Variants in MEI4 observed in about 807,000 individuals in gnomAD.
MEI4 encodes meiosis-specific protein MEI4.
Under a neutral mutation model 31.4 loss-of-function variants are expected in MEI4, and 27 were observed. That is an observed-to-expected ratio of 0.86 (90% CI 0.63 to 1.19). The LOEUF (loss-of-function observed/expected upper bound fraction) is 1.19. Among genes scored for constraint, MEI4 ranks in the 50% most tolerant of loss-of-function variants. The pLI is 0.00. For missense variants in MEI4, 329 were observed against 398.9 expected, an observed-to-expected ratio of 0.82 and a Z score of 1.49; for synonymous variants, 122 against 145.4, an observed-to-expected ratio of 0.84 and a Z score of 1.16.
At chr6:77,771,436 G>T (rs1221746125) in intron 3 of MEI4, among the ~76,000 whole-genome samples, 2 of 151,842 alleles carry the variant, frequency 1.3e-5, no homozygotes, top group East Asian at 3.9e-4. Context: ...TTCATTATTG[G>T]GTATATACCC....
At chr6:77,694,822 C>A (rs1222970114) in intron 2 of MEI4, among the ~76,000 whole-genome samples, 1 of 151,282 alleles carries the variant, frequency 6.6e-6, no homozygotes, top group Non-Finnish European at 1.5e-5. Context: ...GTTCTAGATC[C>A]CTGAGGAATC....
At chr6:77,783,178 C>G (rs570863653) in intron 3 of MEI4, among the ~76,000 whole-genome samples, 2 of 152,090 alleles carry the variant, frequency 1.3e-5, no homozygotes, top group Non-Finnish European at 2.9e-5. Flanking sequence ...CTGGCAATCA[C>G]AAATCCAATG....
chr6:77,871,556 G>T (rs1485864004), intron 4 of MEI4, among the ~76,000 whole-genome samples: 1 of 152,044 alleles, frequency 6.6e-6, no homozygotes, highest in African/African-American at 2.4e-5. Context: ...CAGGGAGAGA[G>T]GGAGGAGGGC....
chr6:77,777,366 G>A (rs1050578620), intron 3 of MEI4, among the ~76,000 whole-genome samples: 1 of 152,114 alleles, frequency 6.6e-6, no homozygotes, highest in African/African-American at 2.4e-5. Flanking sequence ...TGGAAGCCAG[G>A]TGCTAGAATA....
intron 3 of MEI4, among the ~76,000 whole-genome samples, chr6:77,826,197 G>A (rs1481705227): frequency 6.6e-6 from 1 of 152,168 alleles, no homozygotes; most frequent in Non-Finnish European, 1.5e-5. Context: ...TTTCAAATGA[G>A]TAGTTCTGGA....
At chr6:77,788,846 T>C (rs551231024) in intron 3 of MEI4, among the ~76,000 whole-genome samples, 1 of 152,180 alleles carries the variant, frequency 6.6e-6, no homozygotes, top group Non-Finnish European at 1.5e-5. Context: ...ATTTACAGAT[T>C]CAATGCCATC....
At chr6:77,897,794 A>G (rs1766114603) in intron 4 of MEI4, among the ~76,000 whole-genome samples, 1 of 151,916 alleles carries the variant, frequency 6.6e-6, no homozygotes, top group Admixed American at 6.6e-5. Context: ...GGATCAAAAG[A>G]TGATTCACCA....
intron 2 of MEI4, among the ~76,000 whole-genome samples, chr6:77,743,800 T>C (rs1337053592): frequency 6.6e-6 from 1 of 152,182 alleles, no homozygotes; most frequent in Non-Finnish European, 1.5e-5. Flanking sequence ...ACAGCAGCAT[T>C]CGTGGTTCAC....
At chr6:77,859,599 G>A (rs1424555715) in intron 4 of MEI4, among the ~76,000 whole-genome samples, 1 of 152,136 alleles carries the variant, frequency 6.6e-6, no homozygotes, top group East Asian at 1.9e-4. Flanking sequence ...GTTTTCATTT[G>A]CATTTCTCTG....
At chr6:77,745,747 G>T (rs1342764299) in intron 2 of MEI4, among the ~76,000 whole-genome samples, 3 of 151,992 alleles carry the variant, frequency 2.0e-5, no homozygotes, top group Non-Finnish European at 4.4e-5. Context: ...AAATGTAAAA[G>T]AACAGAAATT....
chr6:77,677,870 TTTTC>T, intron 1 of MEI4, among the ~76,000 whole-genome samples: 1 of 152,338 alleles, frequency 6.6e-6, no homozygotes. Context: ...AAATTAATTA[TTTTC>T]TTTTATTTTC....
chr6:77,770,445 G>A (rs561273790), intron 3 of MEI4, among the ~76,000 whole-genome samples: 29 of 151,968 alleles, frequency 1.9e-4, no homozygotes, highest in African/African-American at 6.5e-4. Context: ...GCCCAAAGCA[G>A]TTTATACATT....
chr6:77,824,241 C>G (rs1035144859), intron 3 of MEI4, among the ~76,000 whole-genome samples: 17 of 152,130 alleles, frequency 1.1e-4, no homozygotes, highest in African/African-American at 4.1e-4. Context: ...AGGCGCGTGC[C>G]ACCATCCCCA....
At position 77,803,553 on chromosome 6, in the gene MEI4, T is replaced by A. The variant is rs536326182; in HGVS notation, c.769-25378T>A. On this transcript the variant is annotated intron_variant, in intron 3 of 4. Coordinates refer to ENST00000684080, the MANE Select transcript of MEI4 (RefSeq NM_001322247.2). Reference sequence around the variant, plus strand: ...TTTGGTGGAGAAGAGGCACTCTGATTTTTGGAGTTTCCAGTTTTTCTGCTC... The same window carrying A: ...TTTGGTGGAGAAGAGGCACTCTGATATTTGGAGTTTCCAGTTTTTCTGCTC... Among the ~76,000 whole-genome samples, 31 of 152,328 alleles carry A rather than the reference T, an allele frequency of 2.0e-4. 1 individual carries two copies. In the South Asian group the frequency reaches 6.4e-3, roughly 32 times the overall value.
In MEI4 at chr6:77,834,366, C is replaced by A. The variant is rs1582196314; in HGVS notation, c.900+5304C>A. 2.1e-5 allele frequency among the ~76,000 whole-genome samples: 3 copies of A among 145,740 alleles called. No individual in the cohort carries two copies. The East Asian group carries it at 5.9e-4, about 29-fold the overall frequency. Reference sequence around the variant, plus strand: ...CTCTGTTTTTGACTGGTTTCTAGTTCATTTCATATTATATATTTATAAATT... The same window carrying A: ...CTCTGTTTTTGACTGGTTTCTAGTTAATTTCATATTATATATTTATAAATT... On this transcript the variant is annotated intron_variant, in intron 4 of 4. Coordinates refer to ENST00000684080, the MANE Select transcript of MEI4 (RefSeq NM_001322247.2).
At chr6:77,771,548 T>C (rs1318180873) in intron 3 of MEI4, among the ~76,000 whole-genome samples, 2 of 152,040 alleles carry the variant, frequency 1.3e-5, no homozygotes, top group Middle Eastern at 3.2e-3. Flanking sequence ...AAATGCCCAT[T>C]AACAGTAAAC....
chr6:77,914,804 T>C (rs974489056), intron 4 of MEI4, among the ~76,000 whole-genome samples: 3 of 152,172 alleles, frequency 2.0e-5, no homozygotes, highest in African/African-American at 7.2e-5. Flanking sequence ...TCGTGGTGTA[T>C]TGTACTTTTA....
At chr6:77,801,236 A>C (rs893378396) in intron 3 of MEI4, among the ~76,000 whole-genome samples, 2 of 152,102 alleles carry the variant, frequency 1.3e-5, no homozygotes, top group Non-Finnish European at 2.9e-5. Context: ...CGTATGTGTC[A>C]AGGAATTTAT....
At chr6:77,803,775 T>C (rs1356774468) in intron 3 of MEI4, among the ~76,000 whole-genome samples, 2 of 152,190 alleles carry the variant, frequency 1.3e-5, no homozygotes, top group Non-Finnish European at 2.9e-5. Context: ...CAGCGGAGTC[T>C]GCAGAACAGC....
Sources: gnomAD v4.1 joint callset for allele counts (sites outside exome capture counted in the v4.1 genomes callset) on GRCh38, gnomAD v4.1.1 for gene constraint, MANE v1.5 for transcripts, NCBI Gene and HGNC (gene_info 2026-07-23, HGNC 2026-07-21) for gene names.